Variants in ZNF407 observed in about 807,000 individuals in gnomAD.
ZNF407 encodes the protein zinc finger protein 407.
In ZNF407, 17 loss-of-function variants were observed where a neutral mutation model predicts 131.2. The observed-to-expected ratio is 0.13, with a 90% CI of 0.09 to 0.19. The LOEUF is 0.19. ZNF407 is among the 10% of genes least tolerant of loss of function. The pLI is 1.00. For synonymous variants in ZNF407, 1,156 were observed against 1,062.0 expected (o/e 1.09, Z -1.72); for missense variants, 2,681 against 2,830.6 (o/e 0.95, Z 1.20).
chr18:74,999,378 A>C (rs1972818868), intron 8 of ZNF407, among the ~76,000 whole-genome samples: 1 of 149,380 alleles, frequency 6.7e-6, no homozygotes, highest in Non-Finnish European at 1.5e-5. Context: ...AAAAAAAACA[A>C]AGGTAAAACT....
At chr18:74,987,799 A>G (rs1213331360) in intron 8 of ZNF407, among the ~76,000 whole-genome samples, 2 of 152,198 alleles carry the variant, frequency 1.3e-5, no homozygotes, top group Admixed American at 1.3e-4. Flanking sequence ...CGCTTAGAGG[A>G]GTTAAAGAAG....
intron 6 of ZNF407, among the ~76,000 whole-genome samples, chr18:74,884,398 T>C (rs1971279689): frequency 6.6e-6 from 1 of 152,208 alleles, no homozygotes; most frequent in Admixed American, 6.5e-5. Flanking sequence ...AACTGATTGA[T>C]GAGTTACAAA....
At chr18:74,689,659 A>T (rs1313051164) in intron 3 of ZNF407, among the ~76,000 whole-genome samples, 1 of 152,242 alleles carries the variant, frequency 6.6e-6, no homozygotes, top group Non-Finnish European at 1.5e-5. Context: ...GTAGGATTAG[A>T]TAGAATTGAA....
chr18:74,790,565 T>A (rs1969807543), intron 4 of ZNF407, among the ~76,000 whole-genome samples: 1 of 152,226 alleles, frequency 6.6e-6, no homozygotes, highest in East Asian at 1.9e-4. Flanking sequence ...TTCACTTAAA[T>A]TACTTTTAGA....
At chr18:74,601,329 CTG>C (rs60358173) in intron 1 of ZNF407, among the ~76,000 whole-genome samples, 60,809 of 144,444 alleles carry the variant, frequency 0.42, 13,178 homozygotes, top group East Asian at 0.63. Flanking sequence ...GTGTGTATGT[CTG>C]TGTGTGTGTG....
intron 1 of ZNF407, among the ~76,000 whole-genome samples, chr18:74,607,333 G>A (rs1279683865): frequency 1.3e-5 from 2 of 152,144 alleles, no homozygotes; most frequent in Non-Finnish European, 2.9e-5. Context: ...CACCTGATGT[G>A]GCGTTGATCT....
At chr18:74,841,674 A>G (rs1305362426) in intron 4 of ZNF407, among the ~76,000 whole-genome samples, 1 of 152,250 alleles carries the variant, frequency 6.6e-6, no homozygotes, top group Admixed American at 6.5e-5. Flanking sequence ...CAAGGCTTCT[A>G]TGCCAGGTAC....
chr18:74,746,933 A>C (rs527525173), intron 3 of ZNF407, among the ~76,000 whole-genome samples: 4 of 152,298 alleles, frequency 2.6e-5, no homozygotes, highest in Non-Finnish European at 1.5e-5. Context: ...ATACCTTTAT[A>C]TGTTTGACAG....
At chr18:74,722,327 A>C (rs1968058259) in intron 3 of ZNF407, among the ~76,000 whole-genome samples, 1 of 152,056 alleles carries the variant, frequency 6.6e-6, no homozygotes, top group South Asian at 2.1e-4. Context: ...TTTTAAAAAA[A>C]GTTTTTAAAA....
chr18:74,684,970 A>G (rs989525357), intron 3 of ZNF407, among the ~76,000 whole-genome samples: 1 of 152,190 alleles, frequency 6.6e-6, no homozygotes, highest in Admixed American at 6.5e-5. Flanking sequence ...TCAACTTAAC[A>G]TTATTTATTG....
chr18:74,734,136 C>T (rs781084301), intron 3 of ZNF407, among the ~76,000 whole-genome samples: 9 of 152,118 alleles, frequency 5.9e-5, no homozygotes, highest in Admixed American at 3.3e-4. Flanking sequence ...ACGTGTTCGA[C>T]GCTCCGTGAG....
chr18:74,811,253 A>T (rs1970190337), intron 4 of ZNF407, among the ~76,000 whole-genome samples: 1 of 152,248 alleles, frequency 6.6e-6, no homozygotes, highest in African/African-American at 2.4e-5. Flanking sequence ...ACATTTATGC[A>T]GCCAAAAAAC....
intron 3 of ZNF407, among the ~76,000 whole-genome samples, chr18:74,719,072 G>T (rs1175478798): frequency 1.3e-5 from 2 of 151,972 alleles, no homozygotes; most frequent in African/African-American, 4.8e-5. Flanking sequence ...CATATTAATT[G>T]TACATATTCT....
chr18:74,899,964 A>G (rs1971501681), intron 7 of ZNF407, among the ~76,000 whole-genome samples: 1 of 152,258 alleles, frequency 6.6e-6, no homozygotes, highest in African/African-American at 2.4e-5. Context: ...CCAGAGGGAA[A>G]GACAGAGGGT....
At chr18:74,738,800 T>A (rs571223090) in intron 3 of ZNF407, among the ~76,000 whole-genome samples, 1 of 152,296 alleles carries the variant, frequency 6.6e-6, no homozygotes, top group South Asian at 2.1e-4. Context: ...AGTACAGAGT[T>A]CATCCTGACT....
chr18:74,926,563 G>A (rs1189869932), intron 8 of ZNF407, among the ~76,000 whole-genome samples: 3 of 152,180 alleles, frequency 2.0e-5, no homozygotes, highest in African/African-American at 7.2e-5. Flanking sequence ...CAGCACGTTG[G>A]CTGGCCAAGG....
chr18:74,878,178 G>A (rs1248826156), intron 5 of ZNF407, among the ~76,000 whole-genome samples: 1 of 151,934 alleles, frequency 6.6e-6, no homozygotes, highest in Non-Finnish European at 1.5e-5. Context: ...TTCCTTACAA[G>A]CTTATATTTG....
chr18:75,002,833 T>C (rs1972864219), intron 8 of ZNF407, among the ~76,000 whole-genome samples: 1 of 150,502 alleles, frequency 6.6e-6, no homozygotes, highest in African/African-American at 2.4e-5. Context: ...AGGTCAGGAA[T>C]TCAGCCCACC....
chr18:74,634,694 G>A lies in ZNF407; in HGVS notation c.3675G>A (p.Glu1225=), dbSNP rs200667048. The stretch of plus-strand genomic sequence containing the variant: ...ATGAGATATCGAATGATGCAGGTGA[G>A]CTGCGTGTCCATTGTGAGGGTGAAG... ...KNHEISNDAG[E]LRVHCEGEGG... Residue 1225 remains glutamate, a synonymous_variant, in exon 2 of 9, where the codon GAG becomes GAA. Transcript: ENST00000299687. 604 of 1,614,054 alleles carry A rather than the reference G, an allele frequency of 3.7e-4. 7 individuals are homozygous for A. The South Asian group carries it at 5.9e-3, about 16-fold the overall frequency.
Sources: gnomAD v4.1 joint callset for allele counts (sites outside exome capture counted in the v4.1 genomes callset) on GRCh38, gnomAD v4.1.1 for gene constraint, MANE v1.5 for transcripts, NCBI Gene and HGNC (gene_info 2026-07-23, HGNC 2026-07-21) for gene names.